Variants in MARCHF11 observed in about 807,000 individuals in gnomAD.
The protein encoded by MARCHF11 is membrane associated ring-CH-type finger 11.
In MARCHF11, 29 loss-of-function variants were observed where a neutral mutation model predicts 37.3. The observed-to-expected ratio is 0.78, with a 90% CI of 0.58 to 1.06. The LOEUF (loss-of-function observed/expected upper bound fraction) is 1.06, where lower values mean the gene tolerates loss of function less well. Ranked by LOEUF, MARCHF11 falls within the 50% of genes least tolerant of loss-of-function variation. The probability of loss-of-function intolerance (pLI) is 0.00; values close to 1 mark genes in which losing one functional copy is unlikely to be tolerated. For synonymous variants in MARCHF11, 233 were observed against 228.0 expected (o/e 1.02, Z -0.20); for missense variants, 482 against 533.4 (o/e 0.90, Z 0.95).
Position 16,067,609 on chromosome 5 carries a change from G to A in MARCHF11, c.1071C>T (p.Val357=), listed in dbSNP as rs753029219. ...PLTALRNRNL[V]HPTQLTSPRF... ...TTGGTGAGGTTAACTGAGTTGGGTG[G>A]ACCAAGTTTCTGTTCCGCAGAGCTG... Residue 357 remains valine, a synonymous_variant, in exon 4 of 4, where the codon GTC becomes GTT. Coordinates refer to ENST00000332432, the MANE Select transcript of MARCHF11 (RefSeq NM_001102562.3). The A allele has an allele frequency of 3.1e-6, 5 of 1,613,900 alleles. No homozygotes were observed. Among genetic ancestry groups the A allele is most frequent in the East Asian group, 2.2e-5 (1 of 44,876 alleles).
At chr5:16,146,808 C>G (rs966883298) in intron 2 of MARCHF11, among the ~76,000 whole-genome samples, 1 of 152,112 alleles carries the variant, frequency 6.6e-6, no homozygotes, top group Non-Finnish European at 1.5e-5. Flanking sequence ...AGTGCAGAAG[C>G]AGATATACAG....
rs1407311846 is a variant in MARCHF11 at position 16,152,546 on chromosome 5, C to T, written c.693+25180G>A. Among the ~76,000 whole-genome samples, 6 of 151,876 alleles carry T rather than the reference C, an allele frequency of 4.0e-5. 1 individual carries two copies. The South Asian group carries it at 6.2e-4, about 16-fold the overall frequency. On this transcript the variant is annotated intron_variant, in intron 2 of 3. Transcript: ENST00000332432. ...AGCACAGGATAAGATTATCTACAAACGGTTTTCACAGCAAAATCAGACATC... is the reference window on the plus strand; with the variant it reads ...AGCACAGGATAAGATTATCTACAAATGGTTTTCACAGCAAAATCAGACATC...
chr5:16,068,608 A>C (rs1298218427), intron 3 of MARCHF11, among the ~76,000 whole-genome samples: 1 of 152,212 alleles, frequency 6.6e-6, no homozygotes, highest in Non-Finnish European at 1.5e-5. Context: ...ATAAAGTAAT[A>C]CAGCAAACTT....
chr5:16,137,414 C>T (rs1307549472), intron 2 of MARCHF11, among the ~76,000 whole-genome samples: 2 of 151,416 alleles, frequency 1.3e-5, no homozygotes, highest in East Asian at 3.9e-4. Context: ...TCCTGCTGTG[C>T]CTTCTGCCAA....
rs142156781 is a variant in MARCHF11 at position 16,104,875 on chromosome 5, T to C, written c.694-13794A>G. On this transcript the variant is annotated intron_variant, in intron 2 of 3. Transcript: ENST00000332432. ...TTTCCTCACCTTTAAAATTGTATAATAGTAATTATTACATAAGGTTATGGT... is the reference window on the plus strand; with the variant it reads ...TTTCCTCACCTTTAAAATTGTATAACAGTAATTATTACATAAGGTTATGGT... Among the ~76,000 whole-genome samples the C allele has an allele frequency of 4.5e-3, 685 of 152,144 alleles. 27 individuals are homozygous for C. Among genetic ancestry groups the C allele is most frequent in the Admixed American group, 0.043 (661 of 15,282 alleles).
chr5:16,093,774 CA>C (rs1438390953), intron 2 of MARCHF11, among the ~76,000 whole-genome samples: 1 of 152,208 alleles, frequency 6.6e-6, no homozygotes, highest in Non-Finnish European at 1.5e-5. Context: ...AAAAAAAGAA[CA>C]ACCTTTGATT....
intron 2 of MARCHF11, among the ~76,000 whole-genome samples, chr5:16,120,452 C>T (rs1053716622): frequency 1.3e-5 from 2 of 152,234 alleles, no homozygotes; most frequent in Non-Finnish European, 2.9e-5. Flanking sequence ...CACAGAGCAG[C>T]CAGACAGTTG....
intron 2 of MARCHF11, among the ~76,000 whole-genome samples, chr5:16,155,765 C>G (rs1038887497): frequency 1.3e-5 from 2 of 151,892 alleles, no homozygotes; most frequent in African/African-American, 4.8e-5. Context: ...TGCAAGGAGC[C>G]TGATGTGTAA....
rs368727732 is a variant in MARCHF11, at chr5:16,100,822, G to A, written c.694-9741C>T. On this transcript the variant is annotated intron_variant, in intron 2 of 3. Coordinates refer to ENST00000332432, the MANE Select transcript of MARCHF11 (RefSeq NM_001102562.3). ...TAGTGGGAAGGTTATGTCTAACTGAGAAGTTAACAACAGCAACAACTATTT... is the reference window on the plus strand; with the variant it reads ...TAGTGGGAAGGTTATGTCTAACTGAAAAGTTAACAACAGCAACAACTATTT... Among the ~76,000 whole-genome samples the A allele has an allele frequency of 4.6e-5, 7 of 152,334 alleles. No individual in the cohort carries two copies. In the East Asian group the frequency reaches 1.2e-3, roughly 25 times the overall value.
chr5:16,116,690 C>G (rs1049119016), intron 2 of MARCHF11, among the ~76,000 whole-genome samples: 24 of 151,448 alleles, frequency 1.6e-4, no homozygotes, highest in African/African-American at 5.6e-4. Flanking sequence ...GATGGCACTA[C>G]ATTTTGGAAT....
intron 2 of MARCHF11, among the ~76,000 whole-genome samples, chr5:16,142,689 C>CTTTT (rs11369577): frequency 4.5e-5 from 5 of 110,328 alleles, no homozygotes; most frequent in Non-Finnish European, 5.2e-5. Flanking sequence ...TATATTTTAT[C>CTTTT]TTTTTTTTTT....
At chr5:16,085,446 A>C (rs1041334749) in intron 3 of MARCHF11, among the ~76,000 whole-genome samples, 2 of 152,130 alleles carry the variant, frequency 1.3e-5, no homozygotes, top group African/African-American at 4.8e-5. Flanking sequence ...CCACAAACTT[A>C]AATAGCTATG....
intron 2 of MARCHF11, among the ~76,000 whole-genome samples, chr5:16,166,891 ATGTGTGTG>A (rs3993864): frequency 0.014 from 2,071 of 148,550 alleles, 37 homozygotes; most frequent in African/African-American, 0.04. Context: ...AACCAACAGG[ATGTGTGTG>A]TGTGTGTGTG....
rs1430136808 is a variant in MARCHF11 at position 16,091,085 on chromosome 5, A to G, written c.694-4T>C. 2 of 1,570,706 alleles carry G rather than the reference A, an allele frequency of 1.3e-6. No homozygotes were observed. The highest frequency in any genetic ancestry group is 1.7e-6 in the Non-Finnish European group (2 of 1,158,298). On this transcript the variant is annotated splice_polypyrimidine_tract_variant and splice_region_variant and intron_variant, in intron 2 of 3. Transcript: ENST00000332432. ...GTGTTATAGAAATGCTCTGCCACTA[A>G]AAGAAAAACAGAGGCATGTAAGAAA...
chr5:16,121,504 C>T (rs1235452675), intron 2 of MARCHF11, among the ~76,000 whole-genome samples: 1 of 152,108 alleles, frequency 6.6e-6, no homozygotes, highest in African/African-American at 2.4e-5. Flanking sequence ...ATAGCAATAA[C>T]TACTATAGAG....
chr5:16,111,355 G>A (rs1395060542), intron 2 of MARCHF11, among the ~76,000 whole-genome samples: 1 of 152,198 alleles, frequency 6.6e-6, no homozygotes, highest in Non-Finnish European at 1.5e-5. Flanking sequence ...ATGAAATCCA[G>A]GCTGAGGTGG....
chr5:16,108,121 G>A (rs144909113), intron 2 of MARCHF11, among the ~76,000 whole-genome samples: 69 of 152,326 alleles, frequency 4.5e-4, no homozygotes, highest in East Asian at 1.6e-3. Context: ...ATTCGTGGAC[G>A]GCAAAGCTGA....
intron 2 of MARCHF11, among the ~76,000 whole-genome samples, chr5:16,097,190 G>A (rs995909927): frequency 6.6e-6 from 1 of 152,180 alleles, no homozygotes; most frequent in African/African-American, 2.4e-5. Context: ...CAACACTAAA[G>A]TTGGGATTTG....
chr5:16,161,388 T>A (rs967768814), intron 2 of MARCHF11, among the ~76,000 whole-genome samples: 1 of 151,834 alleles, frequency 6.6e-6, no homozygotes, highest in Non-Finnish European at 1.5e-5. Context: ...TTCTCCTGAA[T>A]AAAGGATTCT....
Sources: allele counts gnomAD v4.1 joint callset (sites outside exome capture counted in the v4.1 genomes callset), GRCh38; gene constraint gnomAD v4.1.1; transcripts MANE v1.5; gene names NCBI Gene and HGNC (gene_info 2026-07-23, HGNC 2026-07-21).